The following KLF12 variants were observed in gnomAD, a reference collection of about 807,000 sequenced individuals.
KLF12 encodes the protein KLF transcription factor 12, also known as Krueppel-like factor 12.
A neutral mutation model predicts 37.8 loss-of-function variants in KLF12; 9 were observed. The observed-to-expected ratio is 0.24, with a 90% CI of 0.14 to 0.42. The LOEUF (loss-of-function observed/expected upper bound fraction) is 0.42. KLF12 is among the 10% of genes least tolerant of loss of function. The probability of loss-of-function intolerance (pLI) is 1.00; values close to 1 mark genes in which losing one functional copy is unlikely to be tolerated. For synonymous variants in KLF12, 208 were observed against 202.1 expected (o/e 1.03, Z -0.25); for missense variants, 411 against 516.0 (o/e 0.80, Z 1.97).
chr13:73,763,678 C>T (rs1451324907), intron 6 of KLF12, among the ~76,000 whole-genome samples: 1 of 152,190 alleles, frequency 6.6e-6, no homozygotes, highest in East Asian at 1.9e-4. Flanking sequence ...TCATACCTGA[C>T]AACTCTGTAC....
chr13:74,223,203 G>A, the KLF12 span, among the ~76,000 whole-genome samples: 2 of 152,168 alleles, frequency 1.3e-5, no homozygotes, highest in Non-Finnish European at 2.9e-5. Flanking sequence ...GTAAACAATA[G>A]TATTGTAAAT....
the KLF12 span, among the ~76,000 whole-genome samples, chr13:74,178,067 C>A: frequency 6.6e-6 from 1 of 152,210 alleles, no homozygotes; most frequent in South Asian, 2.1e-4. Flanking sequence ...TAGCATTCTA[C>A]GGTGTCACCA....
At chr13:73,865,356 T>C (rs1475241822) in intron 3 of KLF12, among the ~76,000 whole-genome samples, 3 of 152,158 alleles carry the variant, frequency 2.0e-5, no homozygotes, top group Non-Finnish European at 4.4e-5. Flanking sequence ...CCAAATTTCA[T>C]TTCAGCCAAG....
chr13:74,243,412 C>T, the KLF12 span, among the ~76,000 whole-genome samples: 2 of 152,144 alleles, frequency 1.3e-5, no homozygotes, highest in Admixed American at 6.5e-5. Flanking sequence ...CTACAATAAA[C>T]ATATGTGTGC....
At chr13:74,004,951 G>T (rs183617337) in intron 1 of KLF12, among the ~76,000 whole-genome samples, 4 of 150,654 alleles carry the variant, frequency 2.7e-5, no homozygotes, top group Admixed American at 2.6e-4. Flanking sequence ...AAAAAAAAAG[G>T]GAATTTAACT....
At chr13:73,890,814 C>T (rs1887470766) in intron 3 of KLF12, among the ~76,000 whole-genome samples, 1 of 152,022 alleles carries the variant, frequency 6.6e-6, no homozygotes, top group Non-Finnish European at 1.5e-5. Flanking sequence ...ACGACCAACC[C>T]ACTCTTGGTT....
chr13:74,020,609 G>A (rs1892817269), intron 1 of KLF12, among the ~76,000 whole-genome samples: 1 of 152,180 alleles, frequency 6.6e-6, no homozygotes, highest in Non-Finnish European at 1.5e-5. Context: ...TGGAATGGAA[G>A]GCTGGGCGCA....
chr13:73,945,937 T>C (rs1465057208), intron 2 of KLF12, among the ~76,000 whole-genome samples: 1 of 152,158 alleles, frequency 6.6e-6, no homozygotes, highest in Non-Finnish European at 1.5e-5. Context: ...CATGGAGGCC[T>C]GTGGGTTGTT....
chr13:74,222,626 C>T, the KLF12 span, among the ~76,000 whole-genome samples: 1 of 152,152 alleles, frequency 6.6e-6, no homozygotes, highest in Non-Finnish European at 1.5e-5. Context: ...GTGGACAATG[C>T]TGAAACAGTC....
chr13:74,242,706 G>T, the KLF12 span, among the ~76,000 whole-genome samples: 1 of 152,252 alleles, frequency 6.6e-6, no homozygotes, highest in East Asian at 1.9e-4. Flanking sequence ...TGTTTAGTAG[G>T]TGTAGGGCTT....
At chr13:74,193,541 G>A in the KLF12 span, among the ~76,000 whole-genome samples, 3 of 152,146 alleles carry the variant, frequency 2.0e-5, no homozygotes, top group African/African-American at 7.2e-5. Flanking sequence ...TACTGCCAAA[G>A]TTACTCATAG....
chr13:73,909,039 C>T (rs1221821335), intron 3 of KLF12, among the ~76,000 whole-genome samples: 1 of 152,184 alleles, frequency 6.6e-6, no homozygotes, highest in Non-Finnish European at 1.5e-5. Context: ...ACAGAGATCG[C>T]CCTTCTCCAG....
At chr13:73,699,549 G>A (rs1874394822) in intron 7 of KLF12, among the ~76,000 whole-genome samples, 1 of 152,128 alleles carries the variant, frequency 6.6e-6, no homozygotes, top group African/African-American at 2.4e-5. Context: ...TGAAGATCAG[G>A]AGTGCCTCTC....
intron 3 of KLF12, among the ~76,000 whole-genome samples, chr13:73,861,343 T>A (rs1334312205): frequency 2.0e-5 from 3 of 152,236 alleles, no homozygotes. Flanking sequence ...ACTCTGCTGC[T>A]GCTTCCTGCG....
At chr13:73,815,370 T>G (rs1448238386) in intron 4 of KLF12, among the ~76,000 whole-genome samples, 1 of 152,160 alleles carries the variant, frequency 6.6e-6, no homozygotes, top group Non-Finnish European at 1.5e-5. Context: ...TAACTTATAT[T>G]AAAAGGGATG....
At chr13:73,815,025 T>A (rs1883138516) in intron 4 of KLF12, among the ~76,000 whole-genome samples, 1 of 149,970 alleles carries the variant, frequency 6.7e-6, no homozygotes, top group African/African-American at 2.4e-5. Flanking sequence ...AGATTATCCA[T>A]ATTTTCTGGC....
intron 1 of KLF12, among the ~76,000 whole-genome samples, chr13:74,133,576 T>G (rs1878389658): frequency 6.6e-6 from 1 of 150,500 alleles, no homozygotes; most frequent in African/African-American, 2.5e-5. Context: ...CCCAGCACTT[T>G]CCCCCTTTAA....
intron 1 of KLF12, among the ~76,000 whole-genome samples, chr13:74,047,813 G>C (rs539900769): frequency 6.6e-6 from 1 of 152,138 alleles, no homozygotes; most frequent in East Asian, 1.9e-4. Context: ...TTCCATAAAC[G>C]CTTTTTTGAT....
intron 1 of KLF12, among the ~76,000 whole-genome samples, chr13:74,040,592 G>A (rs1349413365): frequency 6.6e-6 from 1 of 152,160 alleles, no homozygotes; most frequent in Non-Finnish European, 1.5e-5. Flanking sequence ...CAAACAACTT[G>A]AGACTGACTA....
Sources: gnomAD v4.1 joint callset for allele counts (sites outside exome capture counted in the v4.1 genomes callset) on GRCh38, gnomAD v4.1.1 for gene constraint, MANE v1.5 for transcripts, NCBI Gene and HGNC (gene_info 2026-07-23, HGNC 2026-07-21) for gene names.